UHRF2: variants seen among roughly 807,000 people sequenced by gnomAD.
UHRF2 encodes the protein E3 ubiquitin-protein ligase UHRF2.
In UHRF2, 23 loss-of-function variants were observed where a neutral mutation model predicts 96.8. The ratio of observed to expected loss-of-function variants is 0.24; its 90% CI spans 0.17 to 0.34. The LOEUF (loss-of-function observed/expected upper bound fraction) is 0.34, where lower values mean the gene tolerates loss of function less well. UHRF2 is among the 10% of genes least tolerant of loss of function. The pLI, the probability that UHRF2 is intolerant of heterozygous loss-of-function variation, is 1.00. For synonymous variants in UHRF2, 385 were observed against 332.6 expected, an observed-to-expected ratio of 1.16 and a Z score of -1.72; for missense variants, 685 against 981.5, an observed-to-expected ratio of 0.70 and a Z score of 4.04.
At chr9:6,414,816 T>C (rs867429020) in intron 1 of UHRF2, among the ~76,000 whole-genome samples, 24 of 152,216 alleles carry the variant, frequency 1.6e-4, no homozygotes, top group Middle Eastern at 3.2e-3. Context: ...AGCTTTTTTT[T>C]CCCCTTTCCT....
intron 4 of UHRF2, among the ~76,000 whole-genome samples, chr9:6,461,595 C>G (rs568188565): frequency 5.3e-5 from 8 of 151,756 alleles, no homozygotes; most frequent in African/African-American, 1.9e-4. Flanking sequence ...CTGGTCTCGA[C>G]TCCTGCCCTC....
Position 6,498,281 on chromosome 9 carries a change from T to C in UHRF2, c.1908+123T>C, listed in dbSNP as rs1825080324. The C allele has an allele frequency of 4.7e-6, 5 of 1,061,410 alleles. No homozygotes were observed. The African/African-American group carries it at 6.5e-5, about 14-fold the overall frequency. The allele number at this position is 1,061,410 out of a possible 1,614,324, so 65.7% of individuals were successfully genotyped here. On this transcript the variant is annotated intron_variant, in intron 12 of 15. Transcript: ENST00000276893. Reference sequence around the variant, plus strand: ...CTGGTGGACTATAAGGGGTGAGGAATAAGATCATGCAAATAGACAGAGGAA... The same window carrying C: ...CTGGTGGACTATAAGGGGTGAGGAACAAGATCATGCAAATAGACAGAGGAA...
chr9:6,414,047 G>C (rs1819446452), intron 1 of UHRF2: 1 of 160,148 alleles, frequency 6.2e-6, no homozygotes, highest in African/African-American at 2.4e-5. Flanking sequence ...CGGAGAGCTG[G>C]CTAACCCGGC....
At chr9:6,498,232 C>G (rs1227413339) in intron 12 of UHRF2, 74 bp downstream of exon 12, 3 of 1,479,336 alleles carry the variant, frequency 2.0e-6, no homozygotes, top group South Asian at 1.3e-5. Context: ...TGCCTTAACA[C>G]TGGATATAAC....
chr9:6,452,723 G>T (rs906735663), intron 3 of UHRF2, among the ~76,000 whole-genome samples: 2 of 152,162 alleles, frequency 1.3e-5, no homozygotes, highest in African/African-American at 4.8e-5. Flanking sequence ...GTTTTTCTCA[G>T]AGAATACTGA....
intron 4 of UHRF2, among the ~76,000 whole-genome samples, chr9:6,469,109 G>A (rs1823058006): frequency 6.6e-6 from 1 of 152,196 alleles, no homozygotes; most frequent in Admixed American, 6.5e-5. Context: ...AAGTAACTGT[G>A]ATTAATATGC....
At chr9:6,422,584 T>G (rs1819992828) in intron 2 of UHRF2, 2 of 548,998 alleles carry the variant, frequency 3.6e-6, no homozygotes, top group Non-Finnish European at 6.8e-6. Context: ...TCATGAACAT[T>G]AAAAGACTTG....
chr9:6,468,250 T>C, intron 4 of UHRF2: 1 of 354,514 alleles, frequency 2.8e-6, no homozygotes, highest in Non-Finnish European at 5.6e-6. Flanking sequence ...TTGATAAGCC[T>C]TTAACAAAAA....
At chr9:6,498,398 A>C (rs1235832305) in intron 12 of UHRF2, 1 of 339,856 alleles carries the variant, frequency 2.9e-6, no homozygotes, top group Admixed American at 4.7e-5. Context: ...TAAAAGTAAA[A>C]TATTTCCAAA....
intron 3 of UHRF2, among the ~76,000 whole-genome samples, chr9:6,442,668 G>T (rs917846712): frequency 1.4e-4 from 21 of 148,066 alleles, no homozygotes; most frequent in Admixed American, 6.7e-4. Context: ...TTTTTTTTTG[G>T]GGGGGTAGAG....
intron 1 of UHRF2, among the ~76,000 whole-genome samples, chr9:6,414,339 G>T (rs1819465821): frequency 6.6e-6 from 1 of 152,206 alleles, no homozygotes; most frequent in South Asian, 2.1e-4. Context: ...TAAGCCAAGA[G>T]TTTTATTCCC....
At chr9:6,501,273 C>G (rs1816276552) in intron 14 of UHRF2, among the ~76,000 whole-genome samples, 1 of 152,152 alleles carries the variant, frequency 6.6e-6, no homozygotes, top group Non-Finnish European at 1.5e-5. Flanking sequence ...TATCAAATCC[C>G]TAAAGTTGGA....
At chr9:6,423,949 AAAATAAAT>A (rs139097155) in intron 2 of UHRF2, among the ~76,000 whole-genome samples, 2 of 151,496 alleles carry the variant, frequency 1.3e-5, no homozygotes, top group African/African-American at 4.9e-5. Flanking sequence ...AGTATCAAAA[AAAATAAAT>A]AAATAAATAA....
intron 8 of UHRF2, chr9:6,484,751 TTTTAA>T (rs1337578534): frequency 2.0e-5 from 3 of 150,614 alleles, no homozygotes; most frequent in Non-Finnish European, 4.4e-5. Flanking sequence ...TTTATACTGT[TTTTAA>T]TTTATCTTTT....
At chr9:6,447,993 A>T (rs565834818) in intron 3 of UHRF2, among the ~76,000 whole-genome samples, 2 of 152,340 alleles carry the variant, frequency 1.3e-5, no homozygotes, top group South Asian at 4.1e-4. Flanking sequence ...CTAGTGTTTA[A>T]AACAGGAAAG....
At chr9:6,477,860 T>C in intron 6 of UHRF2, 52 bp downstream of exon 6, 1 of 1,463,196 alleles carries the variant, frequency 6.8e-7, no homozygotes, top group South Asian at 1.4e-5. Flanking sequence ...AAACATGAAA[T>C]ATGTATTTGA....
At chr9:6,430,463 A>T (rs1395075672) in intron 2 of UHRF2, among the ~76,000 whole-genome samples, 2 of 152,120 alleles carry the variant, frequency 1.3e-5, no homozygotes, top group Non-Finnish European at 2.9e-5. Flanking sequence ...ATGTTTTGAC[A>T]TCTTTGGGGG....
At chr9:6,432,413 T>C (rs1820607918) in intron 2 of UHRF2, among the ~76,000 whole-genome samples, 1 of 152,208 alleles carries the variant, frequency 6.6e-6, no homozygotes, top group African/African-American at 2.4e-5. Flanking sequence ...CTCACTTACC[T>C]TTGAAGTTCC....
chr9:6,506,747 A>C lies in UHRF2; in HGVS notation c.*568A>C, dbSNP rs1375565520. The C allele has an allele frequency of 6.5e-6, 1 of 152,694 alleles. No individual in the cohort carries two copies. The highest frequency in any genetic ancestry group is 1.5e-5 in the Non-Finnish European group (1 of 68,128). The allele number at this position is 152,694 out of a possible 1,614,324, so 9.5% of individuals were successfully genotyped here. On this transcript the variant is annotated 3_prime_UTR_variant, in exon 16 of 16. Coordinates refer to ENST00000276893, the MANE Select transcript of UHRF2 (RefSeq NM_152896.3). ...CCATTGTGCTTTTTTCTGGTGTTTT[A>C]TGCAAGTTGACTACTAATGACTAAT...
Sources: gnomAD v4.1 joint callset for allele counts (sites outside exome capture counted in the v4.1 genomes callset) on GRCh38, gnomAD v4.1.1 for gene constraint, MANE v1.5 for transcripts, NCBI Gene and HGNC (gene_info 2026-07-23, HGNC 2026-07-21) for gene names.